The following WWOX variants were observed in gnomAD, a reference collection of about 807,000 sequenced individuals.
WWOX encodes WW domain-containing oxidoreductase.
WWOX carries 69 observed loss-of-function variants against 46.2 expected under a neutral mutation model. That is an observed-to-expected ratio of 1.49 (90% CI 1.23 to 1.82). The LOEUF (loss-of-function observed/expected upper bound fraction) is 1.82. Among genes scored for constraint, WWOX ranks in the 40% most tolerant of loss-of-function variants. The pLI is 0.00. For missense variants in WWOX, 919 were observed against 542.6 expected (o/e 1.69, Z -6.89); for synonymous variants, 359 against 202.6 (o/e 1.77, Z -6.56).
intron 5 of WWOX, among the ~76,000 whole-genome samples, chr16:78,259,357 T>G (rs2038218157): frequency 6.6e-6 from 1 of 152,220 alleles, no homozygotes; most frequent in African/African-American, 2.4e-5. Context: ...GACAGAGTCT[T>G]GCTCTGTCAC....
intron 8 of WWOX, among the ~76,000 whole-genome samples, chr16:78,433,566 C>A (rs1222847543): frequency 2.0e-5 from 3 of 152,126 alleles, no homozygotes; most frequent in Non-Finnish European, 4.4e-5. Flanking sequence ...ACAGAAATCA[C>A]CCTTTTCCCA....
intron 5 of WWOX, among the ~76,000 whole-genome samples, chr16:78,275,874 C>T (rs921865365): frequency 2.0e-5 from 3 of 152,070 alleles, no homozygotes; most frequent in South Asian, 2.1e-4. Context: ...GGAGTCCTTC[C>T]GACGAGGAAG....
chr16:78,654,286 A>G (rs1325477677), intron 8 of WWOX, among the ~76,000 whole-genome samples: 1 of 152,216 alleles, frequency 6.6e-6, no homozygotes, highest in African/African-American at 2.4e-5. Context: ...TGATATGAGA[A>G]TTATGAAACA....
chr16:79,025,727 C>G (rs1023956545), intron 8 of WWOX, among the ~76,000 whole-genome samples: 9 of 151,902 alleles, frequency 5.9e-5, no homozygotes, highest in African/African-American at 2.2e-4. Context: ...TAATGATTTT[C>G]TCCATGGCCT....
rs141805458 is a variant in WWOX, at chr16:78,746,637, C to T, written c.1056+313885C>T. Among the ~76,000 whole-genome samples, 92 of 151,764 alleles carry T rather than the reference C, an allele frequency of 6.1e-4. 1 individual carries two copies. The Middle Eastern group carries it at 0.014, about 22-fold the overall frequency. On this transcript the variant is annotated intron_variant, in intron 8 of 8. Transcript: ENST00000566780. ...GGGATATTAGTCAACATGATGTGAG[C>T]AGAGTCTTGAGATGTGCTTGCATGA...
intron 8 of WWOX, among the ~76,000 whole-genome samples, chr16:79,097,489 T>C (rs1672338368): frequency 6.6e-6 from 1 of 152,188 alleles, no homozygotes; most frequent in African/African-American, 2.4e-5. Context: ...ATCCATATTT[T>C]GTTCGCAGTG....
At chr16:78,151,872 G>A (rs1025719644) in intron 4 of WWOX, among the ~76,000 whole-genome samples, 1 of 152,144 alleles carries the variant, frequency 6.6e-6, no homozygotes, top group Admixed American at 6.6e-5. Context: ...CACGCTGTTC[G>A]GTACTTTGAC....
chr16:78,652,224 A>G (rs762395011), intron 8 of WWOX, among the ~76,000 whole-genome samples: 1 of 151,686 alleles, frequency 6.6e-6, no homozygotes, highest in African/African-American at 2.4e-5. Flanking sequence ...ATCCTGGCCA[A>G]TATGGTGAAA....
intron 8 of WWOX, among the ~76,000 whole-genome samples, chr16:78,635,202 G>A (rs566412865): frequency 1.8e-4 from 28 of 152,204 alleles, no homozygotes; most frequent in Non-Finnish European, 3.5e-4. Flanking sequence ...GATTTGCTGG[G>A]GTCTGGCTCT....
chr16:78,149,991 G>C (rs2034343079), intron 4 of WWOX, among the ~76,000 whole-genome samples: 1 of 152,100 alleles, frequency 6.6e-6, no homozygotes, highest in Admixed American at 6.6e-5. Context: ...CTACAATTCA[G>C]TTTTGACACT....
At chr16:78,431,788 C>G (rs912751066) in intron 7 of WWOX, among the ~76,000 whole-genome samples, 5 of 151,924 alleles carry the variant, frequency 3.3e-5, no homozygotes, top group Admixed American at 2.6e-4. Context: ...ACAATCATAG[C>G]TCACTGCAAC....
intron 8 of WWOX, among the ~76,000 whole-genome samples, chr16:79,143,086 C>G (rs376195086): frequency 6.6e-6 from 1 of 152,030 alleles, no homozygotes; most frequent in Non-Finnish European, 1.5e-5. Flanking sequence ...GTTTAAGGTT[C>G]AGAAGTATTT....
intron 5 of WWOX, among the ~76,000 whole-genome samples, chr16:78,384,113 A>G (rs1161778260): frequency 6.6e-6 from 1 of 152,186 alleles, no homozygotes; most frequent in Non-Finnish European, 1.5e-5. Flanking sequence ...TATGGGGGAA[A>G]TACATACATG....
chr16:78,785,177 T>A (rs1409673915), intron 8 of WWOX, among the ~76,000 whole-genome samples: 1 of 152,334 alleles, frequency 6.6e-6, no homozygotes, highest in East Asian at 1.9e-4. Context: ...GTCTAAGAAT[T>A]AAGCAAAGTA....
intron 8 of WWOX, among the ~76,000 whole-genome samples, chr16:78,674,430 G>A (rs1217875765): frequency 6.6e-6 from 1 of 151,854 alleles, no homozygotes; most frequent in Non-Finnish European, 1.5e-5. Flanking sequence ...AACTACAGGC[G>A]TCCGCCACCA....
At chr16:79,074,884 A>G (rs201715457) in intron 8 of WWOX, among the ~76,000 whole-genome samples, 1 of 21,070 alleles carries the variant, frequency 4.7e-5, no homozygotes, top group Non-Finnish European at 7.8e-5. Flanking sequence ...CAGAACCTTT[A>G]AAAAAAAAGA....
chr16:78,970,512 G>C (rs1353649396), intron 8 of WWOX, among the ~76,000 whole-genome samples: 1 of 152,184 alleles, frequency 6.6e-6, no homozygotes, highest in African/African-American at 2.4e-5. Flanking sequence ...TCGACCCAAG[G>C]CATTGTGTTT....
At chr16:78,401,674 G>C (rs2082416910) in intron 6 of WWOX, among the ~76,000 whole-genome samples, 1 of 151,892 alleles carries the variant, frequency 6.6e-6, no homozygotes, top group African/African-American at 2.4e-5. Context: ...TTTTTTAATT[G>C]AGACATAATT....
intron 8 of WWOX, among the ~76,000 whole-genome samples, chr16:78,659,981 G>T (rs12929743): frequency 6.6e-6 from 1 of 151,872 alleles, no homozygotes; most frequent in East Asian, 1.9e-4. Flanking sequence ...GTAATTGTAG[G>T]GCTCATCAGT....
Sources: gnomAD v4.1 joint callset for allele counts (sites outside exome capture counted in the v4.1 genomes callset) on GRCh38, gnomAD v4.1.1 for gene constraint, MANE v1.5 for transcripts, NCBI Gene and HGNC (gene_info 2026-07-23, HGNC 2026-07-21) for gene names.